The following MCOLN2 variants were observed in gnomAD, a reference collection of about 807,000 sequenced individuals.
The protein encoded by MCOLN2 is mucolipin-2.
In MCOLN2, 57 loss-of-function variants were observed where a neutral mutation model predicts 67.5. The observed-to-expected ratio is 0.84, with a 90% CI of 0.68 to 1.05. MCOLN2 has a LOEUF of 1.05. Ranked by LOEUF, MCOLN2 falls within the 50% of genes least tolerant of loss-of-function variation. The pLI is 0.00. For synonymous variants in MCOLN2, 246 were observed against 233.3 expected (o/e 1.05, Z -0.50); for missense variants, 620 against 678.8 (o/e 0.91, Z 0.96).
chr1:84,984,767 G>A (rs1188138904), intron 1 of MCOLN2, among the ~76,000 whole-genome samples: 5 of 152,166 alleles, frequency 3.3e-5, no homozygotes, highest in Admixed American at 2.0e-4. Flanking sequence ...AGGCCAAGGC[G>A]GTGGATCACT....
intron 1 of MCOLN2, among the ~76,000 whole-genome samples, chr1:84,986,608 G>A (rs1650519122): frequency 6.9e-6 from 1 of 144,568 alleles, no homozygotes; most frequent in South Asian, 2.2e-4. Flanking sequence ...ACAACCCAAT[G>A]AGTGAGAGAA....
At chr1:84,933,645 T>C (rs914754918) in intron 11 of MCOLN2, among the ~76,000 whole-genome samples, 1 of 152,232 alleles carries the variant, frequency 6.6e-6, no homozygotes, top group Non-Finnish European at 1.5e-5. Context: ...CCATTAATAA[T>C]TCACATTTCT....
At chr1:84,947,176 T>C (rs1239448202) in intron 6 of MCOLN2, 44 bp from the exon 7 acceptor site, 1 of 955,600 alleles carries the variant, frequency 1.0e-6, no homozygotes, top group Non-Finnish European at 1.7e-6. Flanking sequence ...CAGAAGAAAG[T>C]ATAACATGTT....
rs1442709930 is a variant in MCOLN2 at position 84,992,067 on chromosome 1, G to A, written c.77+4729C>T. Among the ~76,000 whole-genome samples the A allele has an allele frequency of 2.6e-5, 4 of 152,204 alleles. No homozygotes were observed. In the South Asian group the frequency reaches 6.2e-4, roughly 24 times the overall value. On this transcript the variant is annotated intron_variant, in intron 1 of 13. Coordinates refer to ENST00000370608, the MANE Select transcript of MCOLN2 (RefSeq NM_153259.4). Reference sequence around the variant, plus strand: ...AAAGCATTGAGGTTACCTTAATTTTGGACAAGCCCAACTCAGTTTCATGTT... The same window carrying A: ...AAAGCATTGAGGTTACCTTAATTTTAGACAAGCCCAACTCAGTTTCATGTT...
intron 4 of MCOLN2, among the ~76,000 whole-genome samples, chr1:84,954,095 C>T (rs1406494123): frequency 1.3e-5 from 2 of 152,228 alleles, no homozygotes; most frequent in Non-Finnish European, 2.9e-5. Context: ...ATCAAGAGCA[C>T]AACTTTATTG....
intron 1 of MCOLN2, among the ~76,000 whole-genome samples, chr1:84,975,295 G>T (rs1255473304): frequency 6.6e-6 from 1 of 152,164 alleles, no homozygotes; most frequent in Non-Finnish European, 1.5e-5. Flanking sequence ...GTAGCCACAG[G>T]GGTGCTTGTG....
rs538197327 is a variant in MCOLN2 at position 84,964,527 on chromosome 1, G to A, written c.237+1022C>T. 8.3e-4 allele frequency among the ~76,000 whole-genome samples: 71 copies of A among 85,266 alleles called. 3 individuals carry two copies. The highest frequency in any genetic ancestry group is 7.5e-3 in the Middle Eastern group (1 of 134). 55.9% of individuals were successfully genotyped at this position (85,266 alleles called of 152,430 possible). On this transcript the variant is annotated intron_variant, in intron 2 of 13. Coordinates refer to ENST00000370608, the MANE Select transcript of MCOLN2 (RefSeq NM_153259.4). ...CCAGGGACTGGAGTGGGGCAGGAGT[G>A]GGGGGGGGTGGGTAATGGTTTCAGG...
intron 1 of MCOLN2, among the ~76,000 whole-genome samples, chr1:84,987,580 A>ATAT (rs1557666009): frequency 1.7e-4 from 8 of 47,646 alleles, no homozygotes; most frequent in Admixed American, 5.5e-4. Flanking sequence ...ATGTATACAT[A>ATAT]GATATATACA....
intron 11 of MCOLN2, among the ~76,000 whole-genome samples, chr1:84,933,587 T>G (rs1225310299): frequency 6.6e-6 from 1 of 152,202 alleles, no homozygotes; most frequent in Admixed American, 6.5e-5. Context: ...CTGAAAACAT[T>G]GACATTAAAG....
At chr1:84,954,644 T>C (rs748883410) in intron 4 of MCOLN2, among the ~76,000 whole-genome samples, 60 of 152,254 alleles carry the variant, frequency 3.9e-4, no homozygotes, top group Non-Finnish European at 7.1e-4. Flanking sequence ...TGCTTGGTTC[T>C]AGAGCCTGAG....
chr1:84,996,393 CATATATATATATATATATATATATATAT>C (rs6143310), intron 1 of MCOLN2, among the ~76,000 whole-genome samples: 11 of 123,882 alleles, frequency 8.9e-5, no homozygotes, highest in African/African-American at 3.8e-4. Flanking sequence ...GTATATATTT[CATATATATATATATATATATATATATAT>C]ATATATATAT....
intron 1 of MCOLN2, among the ~76,000 whole-genome samples, chr1:84,985,114 A>C (rs1650442393): frequency 6.6e-6 from 1 of 152,184 alleles, no homozygotes; most frequent in South Asian, 2.1e-4. Flanking sequence ...AAAAAAAGTA[A>C]AGCCATCTGA....
intron 1 of MCOLN2, among the ~76,000 whole-genome samples, chr1:84,969,771 T>C (rs971943585): frequency 4.6e-5 from 7 of 152,156 alleles, no homozygotes; most frequent in Non-Finnish European, 7.4e-5. Flanking sequence ...GAACTGCACA[T>C]GCTTAGTGTC....
intron 3 of MCOLN2, among the ~76,000 whole-genome samples, chr1:84,957,587 A>AG (rs1387942370): frequency 8.5e-5 from 13 of 152,240 alleles, no homozygotes; most frequent in African/African-American, 3.1e-4. Flanking sequence ...TTATATCATC[A>AG]TCCTTACCTA....
At chr1:84,954,361 A>C (rs504504) in intron 4 of MCOLN2, among the ~76,000 whole-genome samples, 54,140 of 152,100 alleles carry the variant, frequency 0.36, 10,053 homozygotes, top group African/African-American at 0.44. Flanking sequence ...ACAGTGAGGG[A>C]AGTTGGTCAA....
chr1:84,970,183 A>C (rs1351430881), intron 1 of MCOLN2, among the ~76,000 whole-genome samples: 1 of 152,134 alleles, frequency 6.6e-6, no homozygotes, highest in African/African-American at 2.4e-5. Context: ...TTTTCATTTA[A>C]TAAAAAGAGT....
At chr1:84,962,369 G>A (rs1343460596) in intron 2 of MCOLN2, among the ~76,000 whole-genome samples, 1 of 152,110 alleles carries the variant, frequency 6.6e-6, no homozygotes, top group Non-Finnish European at 1.5e-5. Flanking sequence ...AACAAAGCAA[G>A]ACCCCATCTC....
At chr1:84,978,176 T>G (rs1650081897) in intron 1 of MCOLN2, among the ~76,000 whole-genome samples, 1 of 151,918 alleles carries the variant, frequency 6.6e-6, no homozygotes, top group Non-Finnish European at 1.5e-5. Flanking sequence ...ATTTAAAAAT[T>G]TCTTGAAACA....
At chr1:84,994,255 A>G (rs958796269) in intron 1 of MCOLN2, among the ~76,000 whole-genome samples, 1 of 152,160 alleles carries the variant, frequency 6.6e-6, no homozygotes, top group Non-Finnish European at 1.5e-5. Flanking sequence ...TGGAATGGTA[A>G]ATGAGCACTG....
Sources: gnomAD v4.1 joint callset for allele counts (sites outside exome capture counted in the v4.1 genomes callset) on GRCh38, gnomAD v4.1.1 for gene constraint, MANE v1.5 for transcripts, NCBI Gene and HGNC (gene_info 2026-07-23, HGNC 2026-07-21) for gene names.